Variants in MARCHF7 observed in about 807,000 individuals in gnomAD.
MARCHF7 encodes the protein membrane associated ring-CH-type finger 7.
In MARCHF7, 20 loss-of-function variants were observed where a neutral mutation model predicts 76.5. The ratio of observed to expected loss-of-function variants is 0.26; its 90% CI spans 0.18 to 0.38. MARCHF7 has a LOEUF of 0.38. MARCHF7 is among the 10% of genes least tolerant of loss of function. MARCHF7 has a pLI of 1.00. For synonymous variants in MARCHF7, 295 were observed against 293.0 expected (o/e 1.01, Z -0.07); for missense variants, 797 against 812.9 (o/e 0.98, Z 0.24).
intron 4 of MARCHF7, among the ~76,000 whole-genome samples, chr2:159,742,731 GTT>G (rs1049537833): frequency 1.3e-5 from 2 of 152,118 alleles, no homozygotes; most frequent in Non-Finnish European, 2.9e-5. Flanking sequence ...GAGGTCAGGA[GTT>G]TGAGACCAGC....
Position 159,737,054 on chromosome 2 carries a change from A to C in MARCHF7, c.154-6007A>C, listed in dbSNP as rs192082017. On this transcript the variant is annotated intron_variant, in intron 4 of 11. Transcript: ENST00000409175. ...CCAAATCTGTTACCTGTCTGGGTAG[A>C]GACTGGAAAGTTAATGAAAAAGAAA... Among the ~76,000 whole-genome samples, 6 of 152,326 alleles carry C rather than the reference A, an allele frequency of 3.9e-5. No homozygotes were observed. The East Asian group carries it at 9.6e-4, about 24-fold the overall frequency.
chr2:159,743,389 T>C, intron 5 of MARCHF7, 136 bp downstream of exon 5: 1 of 728,032 alleles, frequency 1.4e-6, no homozygotes, highest in Non-Finnish European at 2.2e-6. Flanking sequence ...TCCAAAATCT[T>C]ACTTTAAATT....
chr2:159,742,469 A>G (rs1379796812), intron 4 of MARCHF7, among the ~76,000 whole-genome samples: 1 of 152,076 alleles, frequency 6.6e-6, no homozygotes, highest in African/African-American at 2.4e-5. Context: ...CAAGGATTTC[A>G]TTTTCAAAAA....
chr2:159,757,493 A>T (rs1217551168), intron 8 of MARCHF7, among the ~76,000 whole-genome samples: 1 of 152,208 alleles, frequency 6.6e-6, no homozygotes, highest in Non-Finnish European at 1.5e-5. Flanking sequence ...CTGATTAAGA[A>T]ATATAGGAGT....
At chr2:159,733,994 T>C (rs1285451132) in intron 4 of MARCHF7, 1 of 1,328,528 alleles carries the variant, frequency 7.5e-7, no homozygotes. Context: ...CTGCTACTAA[T>C]CTTGCTGTTA....
At chr2:159,733,272 C>T in intron 4 of MARCHF7, 1 of 793,148 alleles carries the variant, frequency 1.3e-6, no homozygotes, top group Non-Finnish European at 1.5e-6. Context: ...CGGGTTCTCA[C>T]ACTCACCCAG....
chr2:159,719,246 A>G (rs1022731751), intron 3 of MARCHF7, among the ~76,000 whole-genome samples: 4 of 151,842 alleles, frequency 2.6e-5, no homozygotes, highest in Non-Finnish European at 5.9e-5. Context: ...GGGTGTCAAT[A>G]TGTTACCCAG....
chr2:159,742,763 CCT>C (rs112822497), intron 4 of MARCHF7, among the ~76,000 whole-genome samples: 6,275 of 152,064 alleles, frequency 0.041, 410 homozygotes, highest in African/African-American at 0.14. Context: ...ATGGTGAAAC[CCT>C]GTCTCTACTA....
chr2:159,748,859 T>G lies in MARCHF7; in HGVS notation c.1569T>G (p.Ser523Arg). Residue 523 changes from serine to arginine, a missense_variant, in exon 7 of 12, where the codon AGT becomes AGG. Around this residue, in one of 3 missense-constraint regions of MARCHF7, gnomAD observed 643 missense variants for 631.5 expected, o/e 1.02. Transcript: ENST00000409175. ...SADGKSDKTK[S>R]APSRDPERLQ... is the part of the protein sequence containing the mutation. ...ATGGTAAAAGTGATAAAACTAAAAG[T>G]GCGCCTTCAAGAGATCCAGAAAGAT... The G allele has an allele frequency of 1.2e-6, 2 of 1,613,290 alleles. No individual in the cohort carries two copies. The highest frequency in any genetic ancestry group is 1.7e-6 in the Non-Finnish European group (2 of 1,179,738).
chr2:159,753,022 G>A (rs1310935705), intron 8 of MARCHF7, among the ~76,000 whole-genome samples: 1 of 152,188 alleles, frequency 6.6e-6, no homozygotes, highest in Non-Finnish European at 1.5e-5. Flanking sequence ...AGTTCTAGAT[G>A]TTGGTTATAG....
intron 8 of MARCHF7, among the ~76,000 whole-genome samples, chr2:159,754,824 T>G (rs757937269): frequency 1.3e-5 from 2 of 152,174 alleles, no homozygotes; most frequent in Non-Finnish European, 1.5e-5. Context: ...ATCTGTTTTC[T>G]TAGAGGTAAG....
chr2:159,722,879 C>T (rs890797446), intron 3 of MARCHF7, among the ~76,000 whole-genome samples: 1 of 152,104 alleles, frequency 6.6e-6, no homozygotes, highest in Non-Finnish European at 1.5e-5. Flanking sequence ...TTGCCTTCTC[C>T]CAAGGAGGTT....
intron 9 of MARCHF7, among the ~76,000 whole-genome samples, chr2:159,760,464 T>G (rs11687502): frequency 0.34 from 52,321 of 152,062 alleles, 9,209 homozygotes; most frequent in South Asian, 0.44. Flanking sequence ...TCTGATGCAC[T>G]AGTTGTCCAA....
Position 159,769,887 on chromosome 2 carries a change from C to G in MARCHF7, c.*2545C>G, listed in dbSNP as rs1190947820. 1 of 152,184 alleles carries G rather than the reference C, an allele frequency of 6.6e-6. No homozygotes were observed. Among genetic ancestry groups the G allele is most frequent in the Admixed American group, 6.5e-5 (1 of 15,276 alleles). 9.4% of individuals were successfully genotyped at this position (152,184 alleles called of 1,614,324 possible). A position where few individuals can be genotyped will look rare whatever the true frequency, so the allele number is the denominator to read the frequency against. On this transcript the variant is annotated 3_prime_UTR_variant, in exon 12 of 12. Coordinates refer to ENST00000409175, the MANE Select transcript of MARCHF7 (RefSeq NM_001282805.2). ...GTTCTATAATGTATGTTGCCCAGTACAGTAGCCACTAACCACCTGTGATTT... is the reference window on the plus strand; with the variant it reads ...GTTCTATAATGTATGTTGCCCAGTAGAGTAGCCACTAACCACCTGTGATTT...
At chr2:159,732,704 A>AT in intron 4 of MARCHF7, 1 of 300,426 alleles carries the variant, frequency 3.3e-6, no homozygotes, top group Non-Finnish European at 4.9e-6. Context: ...TTTTTAAAAA[A>AT]TTTTTCTTAT....
At chr2:159,725,853 G>T (rs1171888568) in intron 3 of MARCHF7, among the ~76,000 whole-genome samples, 1 of 152,172 alleles carries the variant, frequency 6.6e-6, no homozygotes, top group East Asian at 1.9e-4. Flanking sequence ...TTGTAGGATA[G>T]AATGGTCTAG....
In MARCHF7 at chr2:159,729,097, G is replaced by A. The variant is rs780867299; in HGVS notation, c.75G>A (p.Met25Ile). 14 of 1,611,754 alleles carry A rather than the reference G, an allele frequency of 8.7e-6. No homozygotes were observed. The highest frequency in any genetic ancestry group is 1.2e-5 in the Non-Finnish European group (14 of 1,179,056). The part of the protein sequence containing the change: ...QPSSSLSARM[M>I]SGSRGSSLND... The stretch of plus-strand genomic sequence containing the variant: ...CCAGCTCCTTAAGTGCTAGGATGAT[G>A]TCTGGAAGCAGAGGAAGTAGTTTAA... The change falls in exon 4 of 12, where the codon ATG (methionine) becomes ATA (isoleucine). Residue 25 changes from methionine (M) to isoleucine (I), a missense_variant. This residue lies in a region of MARCHF7 where 643 missense variants were observed against 631.5 expected (regional missense o/e 1.02). Transcript: ENST00000409175.
chr2:159,727,382 T>G (rs1480015017), intron 3 of MARCHF7, among the ~76,000 whole-genome samples: 1 of 152,060 alleles, frequency 6.6e-6, no homozygotes, highest in Non-Finnish European at 1.5e-5. Flanking sequence ...AGTCAGGAGA[T>G]CGAGACCATC....
intron 10 of MARCHF7, 47 bp from the exon 11 acceptor site, chr2:159,764,579 C>T: frequency 7.1e-7 from 1 of 1,410,756 alleles, no homozygotes; most frequent in Admixed American, 2.0e-5. Context: ...TCTTTAGATC[C>T]ATTTGCAACA....
Sources: allele counts gnomAD v4.1 joint callset (sites outside exome capture counted in the v4.1 genomes callset), GRCh38; gene constraint gnomAD v4.1.1; regional missense constraint gnomAD v4.1.1; transcripts MANE v1.5; gene names NCBI Gene and HGNC (gene_info 2026-07-23, HGNC 2026-07-21).